HIVEP2: variants seen among roughly 807,000 people sequenced by gnomAD.
The protein encoded by HIVEP2 is transcription factor HIVEP2.
In HIVEP2, 14 loss-of-function variants were observed where a neutral mutation model predicts 180.7. The ratio of observed to expected loss-of-function variants is 0.08; its 90% CI spans 0.05 to 0.12. HIVEP2 has a LOEUF of 0.12. Ranked by LOEUF, HIVEP2 falls within the 10% of genes least tolerant of loss-of-function variation. The probability of loss-of-function intolerance (pLI) is 1.00; values close to 1 mark genes in which losing one functional copy is unlikely to be tolerated. For synonymous variants in HIVEP2, 1,184 were observed against 1,136.4 expected (o/e 1.04, Z -0.84); for missense variants, 2,579 against 3,008.5 (o/e 0.86, Z 3.34).
rs200131624 is a variant in HIVEP2, at chr6:142,753,809, A to G, written c.6639T>C (p.His2213=). ...CTTGTTGCTGAGAGTGGAGTGGAAG[A>G]TGACTGAAGACATAGTCATTAGGAC... is the stretch of plus-strand genomic sequence containing the variant. The part of the protein sequence containing the change: ...PEGPNDYVFS[H]LPLHSQQQVR... The change falls in exon 10 of 10, where the codon CAT becomes CAC. Residue 2213 remains histidine (H), a synonymous_variant. Coordinates refer to ENST00000367603, the MANE Select transcript of HIVEP2 (RefSeq NM_006734.4). 3.7e-6 allele frequency: 6 copies of G among 1,614,178 alleles called. No individual in the cohort carries two copies. Among genetic ancestry groups the G allele is most frequent in the Non-Finnish European group, 5.1e-6 (6 of 1,179,994 alleles).
chr6:142,774,922 T>A lies in HIVEP2; in HGVS notation c.-184A>T, dbSNP rs1414218581. On this transcript the variant is annotated 5_prime_UTR_variant, in exon 5 of 10. Coordinates refer to ENST00000367603, the MANE Select transcript of HIVEP2 (RefSeq NM_006734.4). This position sits in a 1 kb window ranked among gnomAD's most constrained non-coding sequence, Gnocchi z 5.1. ...ACCACAGTCGATGGGCATTAGCTAGTAATGTCCTTGGACCAGGGCTATAAC... is the reference window on the plus strand; with the variant it reads ...ACCACAGTCGATGGGCATTAGCTAGAAATGTCCTTGGACCAGGGCTATAAC... The A allele has an allele frequency of 3.4e-6, 5 of 1,454,510 alleles. No individual in the cohort carries two copies. The highest frequency in any genetic ancestry group is 3.6e-6 in the Non-Finnish European group (4 of 1,110,392). The allele number at this position is 1,454,510 out of a possible 1,614,324, so 90.1% of individuals were successfully genotyped here. A position where few individuals can be genotyped will look rare whatever the true frequency, so the allele number is the denominator to read the frequency against.
chr6:142,845,056 T>C (rs1775473268), intron 1 of HIVEP2, among the ~76,000 whole-genome samples: 1 of 152,234 alleles, frequency 6.6e-6, no homozygotes, highest in Non-Finnish European at 1.5e-5. Context: ...AAAGAGCTGG[T>C]AAGATTTTTC....
chr6:142,785,327 A>T (rs1398376349), intron 2 of HIVEP2, among the ~76,000 whole-genome samples: 9,092 of 143,806 alleles, frequency 0.063, 1,190 homozygotes, highest in African/African-American at 0.22. Flanking sequence ...AAAAAAAAAA[A>T]AAAAAAAAAA....
At chr6:142,931,128 T>C (rs1011878225) in intron 1 of HIVEP2, among the ~76,000 whole-genome samples, 2 of 152,134 alleles carry the variant, frequency 1.3e-5, no homozygotes, top group African/African-American at 4.8e-5. Flanking sequence ...CTATTCATTA[T>C]GTGGAATAAG....
intron 2 of HIVEP2, among the ~76,000 whole-genome samples, chr6:142,834,651 T>C (rs1775178923): frequency 6.6e-6 from 1 of 152,096 alleles, no homozygotes; most frequent in Admixed American, 6.5e-5. Context: ...CAAAGCAATA[T>C]TATTATAAAA....
intron 1 of HIVEP2, among the ~76,000 whole-genome samples, chr6:142,843,845 T>A (rs974930624): frequency 6.6e-6 from 1 of 152,188 alleles, no homozygotes; most frequent in Non-Finnish European, 1.5e-5. Flanking sequence ...AAATTACCAT[T>A]TTTGTACATA....
At chr6:142,877,664 A>G (rs912632064) in intron 1 of HIVEP2, among the ~76,000 whole-genome samples, 3 of 152,174 alleles carry the variant, frequency 2.0e-5, no homozygotes, top group African/African-American at 7.2e-5. Flanking sequence ...TGAGCCCTTC[A>G]TACTCCTAAA....
chr6:142,853,218 A>T (rs1259953678), intron 1 of HIVEP2, among the ~76,000 whole-genome samples: 1 of 152,042 alleles, frequency 6.6e-6, no homozygotes, highest in African/African-American at 2.4e-5. Flanking sequence ...TTTTTTCCAC[A>T]TCAGAGAAGC....
intron 1 of HIVEP2, among the ~76,000 whole-genome samples, chr6:142,927,291 A>G (rs1301017769): frequency 6.6e-6 from 1 of 152,202 alleles, no homozygotes; most frequent in Non-Finnish European, 1.5e-5. Flanking sequence ...TCCTCAGCGT[A>G]ATTTTGAACG....
chr6:142,819,005 G>GA lies in HIVEP2; in HGVS notation c.-528+17929dup, dbSNP rs537771467. ...GACAGAAGAAAGGAAAGGAGGGAGGGAGGGAGGGAAAGAAGGGAGGCAGGG... is the reference window on the plus strand; with the variant it reads ...GACAGAAGAAAGGAAAGGAGGGAGGGAAGGGAGGGAAAGAAGGGAGGCAGGG... On this transcript the variant is annotated intron_variant, in intron 2 of 9. Transcript: ENST00000367603. Among the ~76,000 whole-genome samples the GA allele has an allele frequency of 7.0e-5, 10 of 142,172 alleles. No homozygotes were observed. In the South Asian group the frequency reaches 2.4e-3, roughly 34 times the overall value. The allele number at this position is 142,172 out of a possible 152,430, so 93.3% of individuals were successfully genotyped here.
chr6:142,842,960 T>TA (rs770376594), intron 1 of HIVEP2, among the ~76,000 whole-genome samples: 3 of 152,150 alleles, frequency 2.0e-5, no homozygotes, highest in Non-Finnish European at 4.4e-5. Flanking sequence ...ACATCGTAGT[T>TA]ACAGTAAGAG....
At position 142,764,833 on chromosome 6, in the gene HIVEP2, T is replaced by C. The variant is rs1170472660; in HGVS notation, c.5484A>G (p.Val1828=). 2 of 1,613,924 alleles carry C rather than the reference T, an allele frequency of 1.2e-6. No individual in the cohort carries two copies. Among genetic ancestry groups the C allele is most frequent in the South Asian group, 1.1e-5 (1 of 91,024 alleles). ...IRTHTDVRPY[V]CKLCNFAFKT... ...TGAAGGCAAAGTTACATAACTTGCA[T>C]ACATAAGGCCGAACATCAGTATGGG... The change falls in exon 7 of 10, where the codon GTA becomes GTG. Residue 1828 remains valine, a synonymous_variant. Transcript: ENST00000367603.
At position 142,771,973 on chromosome 6, in the gene HIVEP2, C is replaced by G; in HGVS notation, c.2766G>C (p.Gln922His). The change falls in exon 5 of 10, where the codon CAG becomes CAC. Residue 922 changes from glutamine to histidine, a missense_variant. By Grantham distance (24) the Gln-to-His change is conservative. Transcript: ENST00000367603. This position sits in a 1 kb window ranked among gnomAD's most constrained non-coding sequence, Gnocchi z 5.4. ...GGAGCTGGGAAAGGGTCTCACTTCT[C>G]TGGGGCCACTGAAATTCTTCCACAG... is the stretch of plus-strand genomic sequence containing the variant. ...EKPVEEFQWP[Q>H]RSETLSQLPA... 6.2e-7 allele frequency: 1 copy of G among 1,614,180 alleles called. No individual in the cohort carries two copies. Among genetic ancestry groups the G allele is most frequent in the Non-Finnish European group, 8.5e-7 (1 of 1,180,034 alleles).
intron 2 of HIVEP2, among the ~76,000 whole-genome samples, chr6:142,817,453 T>A (rs1303194318): frequency 1.3e-5 from 2 of 152,224 alleles, no homozygotes; most frequent in Non-Finnish European, 2.9e-5. Context: ...TCATTTCAAA[T>A]AAGCATTGGA....
At chr6:142,912,261 G>A (rs532636797) in intron 1 of HIVEP2, among the ~76,000 whole-genome samples, 4 of 152,220 alleles carry the variant, frequency 2.6e-5, no homozygotes, top group Non-Finnish European at 5.9e-5. Flanking sequence ...CAGAGTGTCA[G>A]TCTTTCTGAA....
At chr6:142,784,850 T>C (rs910822165) in intron 2 of HIVEP2, among the ~76,000 whole-genome samples, 1 of 152,130 alleles carries the variant, frequency 6.6e-6, no homozygotes, top group African/African-American at 2.4e-5. Flanking sequence ...TCCTAAAAAA[T>C]ATACATTTTC....
At chr6:142,775,447 TA>T (rs1000971413) in intron 4 of HIVEP2, among the ~76,000 whole-genome samples, 11 of 149,946 alleles carry the variant, frequency 7.3e-5, no homozygotes, top group East Asian at 1.9e-4. Flanking sequence ...AAAGCCCCAT[TA>T]AAAAAAAATA....
chr6:142,912,030 C>T (rs767282840), intron 1 of HIVEP2, among the ~76,000 whole-genome samples: 5 of 152,226 alleles, frequency 3.3e-5, no homozygotes, highest in Admixed American at 1.3e-4. Flanking sequence ...TATCTGAAAT[C>T]TCCATACTGG....
intron 2 of HIVEP2, among the ~76,000 whole-genome samples, chr6:142,830,957 A>G (rs1775063076): frequency 6.6e-6 from 1 of 151,836 alleles, no homozygotes; most frequent in Non-Finnish European, 1.5e-5. Context: ...CCTTATCACT[A>G]CCCTCCAACC....
Sources: gnomAD v4.1 joint callset for allele counts (sites outside exome capture counted in the v4.1 genomes callset) on GRCh38, gnomAD v4.1.1 for gene constraint, Gnocchi (gnomAD v3.1) non-coding constraint, MANE v1.5 for transcripts, NCBI Gene and HGNC (gene_info 2026-07-23, HGNC 2026-07-21) for gene names.